Variants in PEX10 observed in about 807,000 individuals in gnomAD.
The protein encoded by PEX10 is peroxisomal biogenesis factor 10.
In PEX10, 32 loss-of-function variants were observed where a neutral mutation model predicts 38.0. That is an observed-to-expected ratio of 0.84 (90% CI 0.63 to 1.13). The LOEUF (loss-of-function observed/expected upper bound fraction) is 1.13. PEX10 is among the 50% of genes most tolerant of loss of function. The pLI is 0.00. For synonymous variants in PEX10, 206 were observed against 207.3 expected (o/e 0.99, Z 0.05); for missense variants, 483 against 457.7 (o/e 1.06, Z -0.51).
rs185395915 is a variant in PEX10, at chr1:2,405,492, C to T, written c.*274G>A. 5.2e-6 allele frequency: 3 copies of T among 575,594 alleles called. No individual in the cohort carries two copies. Among genetic ancestry groups the T allele is most frequent in the Admixed American group, 2.8e-5 (1 of 36,008 alleles). The allele number at this position is 575,594 out of a possible 1,614,324, so 35.7% of individuals were successfully genotyped here. On this transcript the variant is annotated 3_prime_UTR_variant, in exon 6 of 6. Coordinates refer to ENST00000447513, the MANE Select transcript of PEX10 (RefSeq NM_002617.4). ...GGGGAAGGGAGGGAAACCTAAAATC[C>T]CGTCCAAATAAGTGAAATTCCTGAA...
rs1643081768 is a variant in PEX10 at position 2,408,519 on chromosome 1, T to C, written c.533A>G (p.His178Arg). Residue 178 changes from histidine to arginine, a missense_variant, in exon 3 of 6, where the codon CAT (histidine) becomes CGT (arginine). His to Arg is a conservative substitution (Grantham distance 29). Transcript: ENST00000447513. ...ACCGTGGATGTAAAACCAGGCAACA[T>C]GTAGCCGCTGGAGGCAGGCGAGGCC... Reference protein sequence around the residue: ...RQGLACLQRLHVAWFYIHGVF... With the variant: ...RQGLACLQRLRVAWFYIHGVF... 2.4e-5 allele frequency: 39 copies of C among 1,612,902 alleles called. No homozygotes were observed. Among genetic ancestry groups the C allele is most frequent in the Non-Finnish European group, 3.2e-5 (38 of 1,179,982 alleles).
chr1:2,408,431 C>T (rs1276358720), intron 3 of PEX10, 21 bp downstream of exon 3: 2 of 1,612,178 alleles, frequency 1.2e-6, no homozygotes, highest in African/African-American at 1.3e-5. Flanking sequence ...AGCAGCTGTG[C>T]CCTCAGCGCC....
At position 2,404,675 on chromosome 1, in the gene PEX10, G is replaced by A. The variant is rs1557906571; in HGVS notation, c.*1091C>T. 1 of 152,270 alleles carries A rather than the reference G, an allele frequency of 6.6e-6. No individual in the cohort carries two copies. Among genetic ancestry groups the A allele is most frequent in the Non-Finnish European group, 1.5e-5 (1 of 68,052 alleles). The allele number at this position is 152,270 out of a possible 1,614,324, so 9.4% of individuals were successfully genotyped here. On this transcript the variant is annotated 3_prime_UTR_variant, in exon 6 of 6. Transcript: ENST00000447513. ...TAAGTAAGTCAAACAGCAAGACATG[G>A]TTTGCGCGGGTCTTTGCCGGAAGCC...
In PEX10 at chr1:2,405,860, A is replaced by G. The variant is rs779334862; in HGVS notation, c.913-26T>C. The G allele has an allele frequency of 1.4e-5, 22 of 1,566,932 alleles. No individual in the cohort carries two copies. The South Asian group carries it at 2.0e-4, about 14-fold the overall frequency. On this transcript the variant is annotated intron_variant, in intron 5 of 5. Transcript: ENST00000447513. ...CTGCGGAGAGGAGAAAGGGGGTCACAGCAGCTGGGGCCACTGGGCCATGCC... is the reference window on the plus strand; with the variant it reads ...CTGCGGAGAGGAGAAAGGGGGTCACGGCAGCTGGGGCCACTGGGCCATGCC...
chr1:2,409,348 C>T lies in PEX10; in HGVS notation c.194-490G>A, dbSNP rs923905672. 5.3e-5 allele frequency among the ~76,000 whole-genome samples: 8 copies of T among 152,196 alleles called. No individual in the cohort carries two copies. Among genetic ancestry groups the T allele is most frequent in the Admixed American group, 4.6e-4 (7 of 15,276 alleles). ...GCTCAGATGAGCACCCCAATTCCAC[C>T]CCTGCCGAGACAGCTTTCAGCGCCC... On this transcript the variant is annotated intron_variant, in intron 2 of 5. Transcript: ENST00000447513. This position sits in a 1 kb window ranked among gnomAD's most constrained non-coding sequence, Gnocchi z 6.2.
rs61752092 is a variant in PEX10, at chr1:2,406,766, G to A, written c.730C>T (p.Arg244Ter). The change falls in exon 4 of 6, where the codon CGA (arginine) becomes TGA (stop). Residue 244 changes from arginine to a stop codon, truncating the protein, a stop_gained. Coordinates refer to ENST00000447513, the MANE Select transcript of PEX10 (RefSeq NM_002617.4). LOFTEE classifies it high-confidence loss of function. ...TGCAGCCTCCACTCCTTCCTGGCTCGCTGCCGCTGCCTGAAACCGTACAGC... is the reference window on the plus strand; with the variant it reads ...TGCAGCCTCCACTCCTTCCTGGCTCACTGCCGCTGCCTGAAACCGTACAGC... ...LQLYGFRQRQRARKEWRLHRG... is the reference protein window; with the variant it reads ...LQLYGFRQRQ The A allele has an allele frequency of 5.6e-6, 9 of 1,608,984 alleles. No individual in the cohort carries two copies. The Admixed American group carries it at 6.7e-5, about 12-fold the overall frequency.
In PEX10 at chr1:2,406,762, G is replaced by A; in HGVS notation, c.734C>T (p.Ala245Val). The A allele has an allele frequency of 6.2e-7, 1 of 1,609,080 alleles. No homozygotes were observed. Among genetic ancestry groups the A allele is most frequent in the Non-Finnish European group, 8.5e-7 (1 of 1,178,478 alleles). Residue 245 changes from alanine (A) to valine (V), a missense_variant, in exon 4 of 6, where the codon GCC becomes GTC. Transcript: ENST00000447513. ...QLYGFRQRQR[A>V]RKEWRLHRGL... ...GCGGTGCAGCCTCCACTCCTTCCTG[G>A]CTCGCTGCCGCTGCCTGAAACCGTA...
At chr1:2,408,384 T>C in intron 3 of PEX10, 68 bp downstream of exon 3, 1 of 1,555,948 alleles carries the variant, frequency 6.4e-7, no homozygotes, top group Non-Finnish European at 8.9e-7. Flanking sequence ...GCTCTGTGCA[T>C]GCACCCAAGT....
chr1:2,406,414 G>T lies in PEX10; in HGVS notation c.912+70C>A. 3 of 1,591,260 alleles carry T rather than the reference G, an allele frequency of 1.9e-6. No homozygotes were observed. The South Asian group carries it at 3.3e-5, about 18-fold the overall frequency. On this transcript the variant is annotated intron_variant, in intron 5 of 5. Coordinates refer to ENST00000447513, the MANE Select transcript of PEX10 (RefSeq NM_002617.4). The stretch of plus-strand genomic sequence containing the variant: ...GCTCAGAGCCAGACTCCCCACTTCT[G>T]CTGCAGCCAGGTGCATCTTGCCGGC...
In PEX10 at chr1:2,408,807, G is replaced by A. The variant is rs762111818; in HGVS notation, c.245C>T (p.Ser82Leu). The change falls in exon 3 of 6, where the codon TCG (serine) becomes TTG (leucine). Residue 82 changes from serine to leucine, a missense_variant. Transcript: ENST00000447513. ...EYVSIIQVDP[S>L]RIHVPSSLRR... ...CAGCGAGGAGGGCACATGTATCCGC[G>A]ATGGGTCCACCTGGATGATGCTGAC... The A allele has an allele frequency of 4.3e-6, 7 of 1,613,932 alleles. No individual in the cohort carries two copies. Among genetic ancestry groups the A allele is most frequent in the African/African-American group, 4.0e-5 (3 of 74,918 alleles).
chr1:2,405,585 T>G lies in PEX10; in HGVS notation c.*181A>C. 1.4e-6 allele frequency: 1 copy of G among 715,106 alleles called. No individual in the cohort carries two copies. Among genetic ancestry groups the G allele is most frequent in the Non-Finnish European group, 2.5e-6 (1 of 398,470 alleles). 44.3% of individuals were successfully genotyped at this position (715,106 alleles called of 1,614,324 possible). A position where few individuals can be genotyped will look rare whatever the true frequency, so the allele number is the denominator to read the frequency against. On this transcript the variant is annotated 3_prime_UTR_variant, in exon 6 of 6. Transcript: ENST00000447513. ...TGGGTTCAGGCGCCCCTCCCAGGGC[T>G]GAGAAAGCGCAGCCAGGGACAGCTT...
Position 2,412,380 on chromosome 1 carries a change from C to T in PEX10, c.112+11G>A. The T allele has an allele frequency of 7.3e-7, 1 of 1,370,630 alleles. No homozygotes were observed. Among genetic ancestry groups the T allele is most frequent in the Non-Finnish European group, 9.4e-7 (1 of 1,068,352 alleles). The allele number at this position is 1,370,630 out of a possible 1,614,324, so 84.9% of individuals were successfully genotyped here. A position where few individuals can be genotyped will look rare whatever the true frequency, so the allele number is the denominator to read the frequency against. The stretch of plus-strand genomic sequence containing the variant: ...CGCTCGCGAGGACGTCCGGCCGCGC[C>T]CGGCCCTCACCCGCCAGGCTGTGCA... On this transcript the variant is annotated intron_variant, in intron 1 of 5. Coordinates refer to ENST00000447513, the MANE Select transcript of PEX10 (RefSeq NM_002617.4).
At position 2,409,009 on chromosome 1, in the gene PEX10, C is replaced by A; in HGVS notation, c.194-151G>T. The A allele has an allele frequency of 1.3e-6, 1 of 780,424 alleles. No individual in the cohort carries two copies. Among genetic ancestry groups the A allele is most frequent in the Non-Finnish European group, 2.2e-6 (1 of 459,552 alleles). The allele number at this position is 780,424 out of a possible 1,614,324, so 48.3% of individuals were successfully genotyped here. On this transcript the variant is annotated intron_variant, in intron 2 of 5. Transcript: ENST00000447513. The surrounding 1 kb of genome is among the most constrained non-coding windows in gnomAD (Gnocchi z 6.2). ...ACTGTCACCCCGTGCTGGCTGAGGC[C>A]AACATGACCTTCTGTCGCTAAGCCC...
At chr1:2,412,005 C>A (rs573471417) in intron 1 of PEX10, among the ~76,000 whole-genome samples, 1 of 152,352 alleles carries the variant, frequency 6.6e-6, no homozygotes, top group East Asian at 1.9e-4. Context: ...CGCTCTGACC[C>A]CTCTGCTCAC....
intron 2 of PEX10, 106 bp from the exon 3 acceptor site, chr1:2,408,964 A>G: frequency 8.8e-7 from 1 of 1,135,910 alleles, no homozygotes. Flanking sequence ...CAACAGCCCC[A>G]TCTTGTCGCC....
chr1:2,405,965 A>C (rs1642986986), intron 5 of PEX10, 131 bp from the exon 6 acceptor site: 10 of 775,916 alleles, frequency 1.3e-5, no homozygotes, highest in African/African-American at 1.7e-5. Flanking sequence ...CCTTCAACTA[A>C]TGACCAAGAA....
chr1:2,409,432 G>A lies in PEX10; in HGVS notation c.194-574C>T, dbSNP rs148830444. Among the ~76,000 whole-genome samples the A allele has an allele frequency of 1.4e-4, 22 of 152,046 alleles. No homozygotes were observed. In the East Asian group the frequency reaches 4.1e-3, roughly 28 times the overall value. On this transcript the variant is annotated intron_variant, in intron 2 of 5. Transcript: ENST00000447513. The surrounding 1 kb of genome is among the most constrained non-coding windows in gnomAD (Gnocchi z 6.2). ...CTGTGGATGGCAACGCCAGGCCTCC[G>A]GTTCCTGAGGTCAAGCCCAAGGGGC... is the stretch of plus-strand genomic sequence containing the variant.
In PEX10 at chr1:2,408,517, C is replaced by T. The variant is rs1026741885; in HGVS notation, c.535G>A (p.Val179Ile). 6.2e-7 allele frequency: 1 copy of T among 1,612,950 alleles called. No homozygotes were observed. The highest frequency in any genetic ancestry group is 1.3e-5 in the African/African-American group (1 of 75,058). Residue 179 changes from valine (V) to isoleucine (I), a missense_variant, in exon 3 of 6, where the codon GTT becomes ATT. By Grantham distance (29) the Val-to-Ile change is conservative. Transcript: ENST00000447513. Reference protein sequence around the residue: ...QGLACLQRLHVAWFYIHGVFY... With the variant: ...QGLACLQRLHIAWFYIHGVFY... ...ACACCGTGGATGTAAAACCAGGCAACATGTAGCCGCTGGAGGCAGGCGAGG... is the reference window on the plus strand; with the variant it reads ...ACACCGTGGATGTAAAACCAGGCAATATGTAGCCGCTGGAGGCAGGCGAGG...
Position 2,404,754 on chromosome 1 carries a change from G to A in PEX10, c.*1012C>T, listed in dbSNP as rs1246158666. 6.6e-6 allele frequency: 1 copy of A among 152,306 alleles called. No individual in the cohort carries two copies. The highest frequency in any genetic ancestry group is 1.5e-5 in the Non-Finnish European group (1 of 68,056). The allele number at this position is 152,306 out of a possible 1,614,324, so 9.4% of individuals were successfully genotyped here. A position where few individuals can be genotyped will look rare whatever the true frequency, so the allele number is the denominator to read the frequency against. On this transcript the variant is annotated 3_prime_UTR_variant, in exon 6 of 6. Coordinates refer to ENST00000447513, the MANE Select transcript of PEX10 (RefSeq NM_002617.4). ...GCAGGGAAATGTGGCACACGCCCTCGAGGCATTTTAACACTGCGCTTCAGG... is the reference window on the plus strand; with the variant it reads ...GCAGGGAAATGTGGCACACGCCCTCAAGGCATTTTAACACTGCGCTTCAGG...
Sources: gnomAD v4.1 joint callset for allele counts (sites outside exome capture counted in the v4.1 genomes callset) on GRCh38, gnomAD v4.1.1 for gene constraint, Gnocchi (gnomAD v3.1) non-coding constraint, MANE v1.5 for transcripts, NCBI Gene and HGNC (gene_info 2026-07-23, HGNC 2026-07-21) for gene names.